RIPOR1: variants seen among roughly 807,000 people sequenced by gnomAD.
RIPOR1 encodes RHO family interacting cell polarization regulator 1, also known as rho family-interacting cell polarization regulator 1.
In RIPOR1, 58 loss-of-function variants were observed where a neutral mutation model predicts 116.5. The observed-to-expected ratio is 0.50, with a 90% CI of 0.40 to 0.62. The LOEUF (loss-of-function observed/expected upper bound fraction) is 0.62, where lower values mean the gene tolerates loss of function less well. RIPOR1 is among the 20% of genes least tolerant of loss of function. RIPOR1 has a pLI of 0.00. For synonymous variants in RIPOR1, 605 were observed against 650.0 expected (o/e 0.93, Z 1.05); for missense variants, 1,372 against 1,586.2 (o/e 0.86, Z 2.29).
Position 67,538,842 on chromosome 16 carries a change from T to C in RIPOR1, c.257+18T>C, listed in dbSNP as rs2050885695. 1.2e-6 allele frequency: 2 copies of C among 1,611,930 alleles called. No homozygotes were observed. ...GGCCTGACGTGAGCAGCTCCTCTGT[T>C]CCCAGCCCTGTCCCGGGATCCCTCC... On this transcript the variant is annotated intron_variant, in intron 3 of 21. Transcript: ENST00000042381.
chr16:67,540,276 C>T lies in RIPOR1; in HGVS notation c.568-24C>T. ...GCTAGTGGCTGGCCCTTGACCCCCT[C>T]CTGTCCCTGCCCCTCCCTCCCAGAG... On this transcript the variant is annotated intron_variant, in intron 7 of 21. Coordinates refer to ENST00000042381, the MANE Select transcript of RIPOR1 (RefSeq NM_024519.4). The surrounding 1 kb of genome is among the most constrained non-coding windows in gnomAD (Gnocchi z 4.7). 1 of 1,613,882 alleles carries T rather than the reference C, an allele frequency of 6.2e-7. No individual in the cohort carries two copies. Among genetic ancestry groups the T allele is most frequent in the East Asian group, 2.2e-5 (1 of 44,882 alleles).
chr16:67,539,593 G>A, intron 4 of RIPOR1, 135 bp from the exon 5 acceptor site: 1 of 1,049,486 alleles, frequency 9.5e-7, no homozygotes. Context: ...AGCAGGAAGG[G>A]GCGTCAGTTG....
rs1421020234 is a variant in RIPOR1 at position 67,545,843 on chromosome 16, C to T, written c.3370C>T (p.Pro1124Ser). ...CCAGCTCCGGAGCCTGTCACTGGGC[C>T]CTACCTTCCGGGAGAGGGTGAGTTG... ...STQLRSLSLGPTFRERALLCF... is the reference protein window; with the variant it reads ...STQLRSLSLGSTFRERALLCF... Residue 1124 changes from proline (P) to serine (S), a missense_variant, in exon 19 of 22, where the codon CCT (proline) becomes TCT (serine). This residue lies in a region of RIPOR1 where 1,005 missense variants were observed against 1,144.7 expected (regional missense o/e 0.88). Transcript: ENST00000042381. This position sits in a 1 kb window ranked among gnomAD's most constrained non-coding sequence, Gnocchi z 4.8. 3 of 1,607,436 alleles carry T rather than the reference C, an allele frequency of 1.9e-6. No homozygotes were observed. The highest frequency in any genetic ancestry group is 3.3e-4 in the Middle Eastern group (2 of 6,022).
intron 1 of RIPOR1, among the ~76,000 whole-genome samples, chr16:67,535,601 CCAG>C (rs1460534796): frequency 6.6e-6 from 1 of 152,184 alleles, no homozygotes; most frequent in African/African-American, 2.4e-5. Flanking sequence ...GGCTGTATCT[CCAG>C]TGACTGGCAC....
chr16:67,543,699 G>A lies in RIPOR1; in HGVS notation c.2600+230G>A, dbSNP rs2051075551. 1 of 606,290 alleles carries A rather than the reference G, an allele frequency of 1.6e-6. No individual in the cohort carries two copies. Among genetic ancestry groups the A allele is most frequent in the Non-Finnish European group, 2.9e-6 (1 of 345,790 alleles). 37.6% of individuals were successfully genotyped at this position (606,290 alleles called of 1,614,324 possible). ...CCCTACGTGTGTCCCCAGTGCTTCT[G>A]ACCGCCCTCTTCATCTCTGCAATGT... is the stretch of plus-strand genomic sequence containing the variant. On this transcript the variant is annotated intron_variant, in intron 14 of 21. Coordinates refer to ENST00000042381, the MANE Select transcript of RIPOR1 (RefSeq NM_024519.4). The surrounding 1 kb of genome is among the most constrained non-coding windows in gnomAD (Gnocchi z 4.7).
Position 67,531,991 on chromosome 16 carries a change from A to G in RIPOR1, c.-24+3077A>G, listed in dbSNP as rs1002484076. 5.9e-5 allele frequency among the ~76,000 whole-genome samples: 9 copies of G among 152,158 alleles called. No individual in the cohort carries two copies. Among genetic ancestry groups the G allele is most frequent in the Admixed American group, 3.9e-4 (6 of 15,292 alleles). On this transcript the variant is annotated intron_variant, in intron 1 of 21. Transcript: ENST00000042381. The surrounding 1 kb of genome is among the most constrained non-coding windows in gnomAD (Gnocchi z 4.2). The stretch of plus-strand genomic sequence containing the variant: ...ACTGCAAGCTCCACCTCCCGGGCTC[A>G]TGCCATTCTCCCACCTCAGCCTACT...
chr16:67,541,480 C>T lies in RIPOR1; in HGVS notation c.852C>T (p.Ser284=). 6.2e-7 allele frequency: 1 copy of T among 1,614,132 alleles called. No homozygotes were observed. The change falls in exon 11 of 22, where the codon TCC becomes TCT. Residue 284 remains serine (S), a synonymous_variant. Transcript: ENST00000042381. The surrounding 1 kb of genome is among the most constrained non-coding windows in gnomAD (Gnocchi z 4.6). ...LANHVVVGSV[S]CETKDLFAAL... ...ACCATGTGGTTGTGGGCAGTGTCTC[C>T]TGTGAGACCAAGGACCTGTTTGCCG...
chr16:67,543,071 C>A lies in RIPOR1; in HGVS notation c.2285C>A (p.Ala762Glu), dbSNP rs1297220740. The change falls in exon 13 of 22, where the codon GCA (alanine) becomes GAA (glutamate). Residue 762 changes from alanine to glutamate, a missense_variant. Ala to Glu is a moderately radical substitution (Grantham distance 107). Around this residue, in one of 3 missense-constraint regions of RIPOR1, gnomAD observed 1,005 missense variants for 1,144.7 expected, o/e 0.88. Coordinates refer to ENST00000042381, the MANE Select transcript of RIPOR1 (RefSeq NM_024519.4). This position sits in a 1 kb window ranked among gnomAD's most constrained non-coding sequence, Gnocchi z 4.7. ...CCCACTCCCTCACCCCCAACCCCTG[C>A]ACCCCAGCATTCAGACCTTTGCCTG... ...LSPTPSPPTPAPQHSDLCLAM... is the reference protein window; with the variant it reads ...LSPTPSPPTPEPQHSDLCLAM... The A allele has an allele frequency of 1.3e-6, 2 of 1,523,768 alleles. No individual in the cohort carries two copies. Among genetic ancestry groups the A allele is most frequent in the East Asian group, 4.5e-5 (2 of 44,192 alleles). The allele number at this position is 1,523,768 out of a possible 1,614,324, so 94.4% of individuals were successfully genotyped here. A position where few individuals can be genotyped will look rare whatever the true frequency, so the allele number is the denominator to read the frequency against.
intron 1 of RIPOR1, among the ~76,000 whole-genome samples, chr16:67,532,116 G>T (rs2050677997): frequency 1.3e-5 from 2 of 151,802 alleles, no homozygotes; most frequent in South Asian, 4.2e-4. Context: ...AGCCAGGATG[G>T]TCTTGATCTC....
chr16:67,530,185 G>A lies in RIPOR1; in HGVS notation c.-24+1271G>A. On this transcript the variant is annotated intron_variant, in intron 1 of 21. Coordinates refer to ENST00000042381, the MANE Select transcript of RIPOR1 (RefSeq NM_024519.4). This position sits in a 1 kb window ranked among gnomAD's most constrained non-coding sequence, Gnocchi z 4.5. ...TGAGAGAAGCGGGCGGGGAGGGCGCGGGTGAGTCACGGCGGCCCCTCTGCG... is the reference window on the plus strand; with the variant it reads ...TGAGAGAAGCGGGCGGGGAGGGCGCAGGTGAGTCACGGCGGCCCCTCTGCG... 2.9e-6 allele frequency: 1 copy of A among 342,720 alleles called. No homozygotes were observed. The highest frequency in any genetic ancestry group is 5.4e-6 in the Non-Finnish European group (1 of 185,536). The allele number at this position is 342,720 out of a possible 1,614,324, so 21.2% of individuals were successfully genotyped here.
Position 67,529,657 on chromosome 16 carries a change from TC to T in RIPOR1, c.-24+747del. ...TCCAGGGTGAGCCCTGAGTCCGGCC[TC>T]CCCTACAGACCCTCCCCAGCCAGTT... is the stretch of plus-strand genomic sequence containing the variant. On this transcript the variant is annotated intron_variant, in intron 1 of 21. Transcript: ENST00000042381. This position sits in a 1 kb window ranked among gnomAD's most constrained non-coding sequence, Gnocchi z 4.1. 3 of 1,095,348 alleles carry T rather than the reference TC, an allele frequency of 2.7e-6. No homozygotes were observed. The highest frequency in any genetic ancestry group is 3.9e-6 in the Non-Finnish European group (3 of 773,900). 67.9% of individuals were successfully genotyped at this position (1,095,348 alleles called of 1,614,324 possible). A position where few individuals can be genotyped will look rare whatever the true frequency, so the allele number is the denominator to read the frequency against.
chr16:67,543,029 C>T lies in RIPOR1; in HGVS notation c.2243C>T (p.Thr748Met), dbSNP rs141407887. The change falls in exon 13 of 22, where the codon ACG becomes ATG. Residue 748 changes from threonine to methionine, a missense_variant. Around this residue, in one of 3 missense-constraint regions of RIPOR1, gnomAD observed 1,005 missense variants for 1,144.7 expected, o/e 0.88. Coordinates refer to ENST00000042381, the MANE Select transcript of RIPOR1 (RefSeq NM_024519.4). This position sits in a 1 kb window ranked among gnomAD's most constrained non-coding sequence, Gnocchi z 4.7. ...CCTGCCCCAGATCCCTCAGAGTCTA[C>T]GGTTCAGAGTCTAAGCCCCACTCCC... ...TSPAPDPSES[T>M]VQSLSPTPSP... The T allele has an allele frequency of 1.6e-4, 245 of 1,548,886 alleles. 2 individuals carry two copies. The African/African-American group carries it at 2.2e-3, about 14-fold the overall frequency.
Position 67,545,122 on chromosome 16 carries a change from G to A in RIPOR1, c.3031+5G>A. The A allele has an allele frequency of 6.2e-7, 1 of 1,611,102 alleles. No homozygotes were observed. The highest frequency in any genetic ancestry group is 2.2e-5 in the East Asian group (1 of 44,874). ...AGCCAGGCTTGGCTGAGGCTGGTGA[G>A]TGGGCTGCTTCCTCCTTCCACCCTT... On this transcript the variant is annotated splice_donor_5th_base_variant and intron_variant, in intron 17 of 21. Coordinates refer to ENST00000042381, the MANE Select transcript of RIPOR1 (RefSeq NM_024519.4). The surrounding 1 kb of genome is among the most constrained non-coding windows in gnomAD (Gnocchi z 4.8).
upstream of RIPOR1, among the ~76,000 whole-genome samples, chr16:67,525,559 C>A (rs543595615): frequency 5.3e-5 from 8 of 152,054 alleles, no homozygotes; most frequent in Non-Finnish European, 8.8e-5. Flanking sequence ...GGGTTTCGGA[C>A]TTGAACTGCA....
Position 67,541,733 on chromosome 16 carries a change from A to G in RIPOR1, c.1031A>G (p.Tyr344Cys). Residue 344 changes from tyrosine to cysteine, a missense_variant, in exon 12 of 22, where the codon TAT (tyrosine) becomes TGT (cysteine). Physicochemically the swap from Tyr to Cys is radical, Grantham distance 194. This residue lies in a region of RIPOR1 where 1,005 missense variants were observed against 1,144.7 expected (regional missense o/e 0.88). Transcript: ENST00000042381. This position sits in a 1 kb window ranked among gnomAD's most constrained non-coding sequence, Gnocchi z 4.6. ...ASTVTKRFSTYSQSPPDTPSL... is the reference protein window; with the variant it reads ...ASTVTKRFSTCSQSPPDTPSL... ...ACAGTCACCAAGCGCTTCTCCACCT[A>G]TAGCCAGAGCCCACCGGACACACCC... The G allele has an allele frequency of 6.2e-7, 1 of 1,613,886 alleles. No homozygotes were observed. The highest frequency in any genetic ancestry group is 8.5e-7 in the Non-Finnish European group (1 of 1,179,928).
In RIPOR1 at chr16:67,530,237, G is replaced by T; in HGVS notation, c.-24+1323G>T. 1 of 238,106 alleles carries T rather than the reference G, an allele frequency of 4.2e-6. No individual in the cohort carries two copies. Among genetic ancestry groups the T allele is most frequent in the Non-Finnish European group, 8.2e-6 (1 of 122,498 alleles). 14.7% of individuals were successfully genotyped at this position (238,106 alleles called of 1,614,324 possible). On this transcript the variant is annotated intron_variant, in intron 1 of 21. Transcript: ENST00000042381. The surrounding 1 kb of genome is among the most constrained non-coding windows in gnomAD (Gnocchi z 4.5). ...CGCCGCTCGGACTCAGCCCTGGCCA[G>T]GCCCGGCCCGGGGGAGGCCGCCTGG...
Position 67,530,534 on chromosome 16 carries a change from G to C in RIPOR1, c.-24+1620G>C, listed in dbSNP as rs2050633134. Among the ~76,000 whole-genome samples, 1 of 152,164 alleles carries C rather than the reference G, an allele frequency of 6.6e-6. No homozygotes were observed. Among genetic ancestry groups the C allele is most frequent in the Non-Finnish European group, 1.5e-5 (1 of 67,998 alleles). ...GTTATTTTTAGCCTCTGTTTACCTC[G>C]GTCGGGGCGGCCCCGGGGTGGGGCG... On this transcript the variant is annotated intron_variant, in intron 1 of 21. Transcript: ENST00000042381. This position sits in a 1 kb window ranked among gnomAD's most constrained non-coding sequence, Gnocchi z 4.5.
Position 67,543,100 on chromosome 16 carries a change from A to G in RIPOR1, c.2314A>G (p.Met772Val), listed in dbSNP as rs2051046127. The G allele has an allele frequency of 6.6e-7, 1 of 1,522,492 alleles. No individual in the cohort carries two copies. The highest frequency in any genetic ancestry group is 8.8e-7 in the Non-Finnish European group (1 of 1,137,316). The allele number at this position is 1,522,492 out of a possible 1,614,324, so 94.3% of individuals were successfully genotyped here. A position where few individuals can be genotyped will look rare whatever the true frequency, so the allele number is the denominator to read the frequency against. Residue 772 changes from methionine (M) to valine (V), a missense_variant, in exon 13 of 22, where the codon ATG (methionine) becomes GTG (valine). By Grantham distance (21) the Met-to-Val change is conservative (BLOSUM62 1). Coordinates refer to ENST00000042381, the MANE Select transcript of RIPOR1 (RefSeq NM_024519.4). The surrounding 1 kb of genome is among the most constrained non-coding windows in gnomAD (Gnocchi z 4.7). ...APQHSDLCLAMAVQTPVPTAA... is the reference protein window; with the variant it reads ...APQHSDLCLAVAVQTPVPTAA... ...CCAGCATTCAGACCTTTGCCTGGCC[A>G]TGGCTGTCCAGACCCCAGTCCCAAC...
At position 67,531,635 on chromosome 16, in the gene RIPOR1, T is replaced by A. The variant is rs2050663193; in HGVS notation, c.-24+2721T>A. The A allele has an allele frequency of 2.2e-6, 1 of 454,608 alleles. No homozygotes were observed. Among genetic ancestry groups the A allele is most frequent in the Non-Finnish European group, 4.4e-6 (1 of 226,160 alleles). The allele number at this position is 454,608 out of a possible 1,614,324, so 28.2% of individuals were successfully genotyped here. A position where few individuals can be genotyped will look rare whatever the true frequency, so the allele number is the denominator to read the frequency against. ...AGATTCTGAAGAACCTTGCAGGTAT[T>A]GAGAGAGGGTCTCAGTTGCTGGAAC... On this transcript the variant is annotated intron_variant, in intron 1 of 21. Coordinates refer to ENST00000042381, the MANE Select transcript of RIPOR1 (RefSeq NM_024519.4). The surrounding 1 kb of genome is among the most constrained non-coding windows in gnomAD (Gnocchi z 4.2).
Sources: allele counts gnomAD v4.1 joint callset (sites outside exome capture counted in the v4.1 genomes callset), GRCh38; gene constraint gnomAD v4.1.1; regional missense constraint gnomAD v4.1.1; non-coding constraint Gnocchi (gnomAD v3.1); transcripts MANE v1.5; gene names NCBI Gene and HGNC (gene_info 2026-07-23, HGNC 2026-07-21).